PKIB: variants seen among roughly 807,000 people sequenced by gnomAD.
The protein encoded by PKIB is cAMP-dependent protein kinase inhibitor beta, also known as PKI-beta.
Under a neutral mutation model 4.5 loss-of-function variants are expected in PKIB, and 2 were observed. The ratio of observed to expected loss-of-function variants is 0.44; its 90% CI spans 0.18 to 1.39. The LOEUF is 1.39. Among genes scored for constraint, PKIB ranks in the 40% most tolerant of loss-of-function variants. The pLI is 0.27. For synonymous variants in PKIB, 38 were observed against 36.0 expected, an observed-to-expected ratio of 1.06 and a Z score of -0.20; for missense variants, 94 against 92.6, an observed-to-expected ratio of 1.02 and a Z score of -0.06.
chr6:122,529,212 G>C (rs184903787), intron 2 of PKIB, among the ~76,000 whole-genome samples: 6 of 151,884 alleles, frequency 4.0e-5, no homozygotes, highest in Admixed American at 6.6e-5. Flanking sequence ...TTTCCTTTTG[G>C]ATATATTACA....
chr6:122,698,648 G>A (rs755477497), intron 3 of PKIB, among the ~76,000 whole-genome samples: 61 of 152,312 alleles, frequency 4.0e-4, no homozygotes, highest in Admixed American at 9.8e-4. Flanking sequence ...TGAAGCCTCT[G>A]AGGGCACTAA....
intron 2 of PKIB, among the ~76,000 whole-genome samples, chr6:122,640,720 A>T (rs1776089416): frequency 1.3e-5 from 2 of 152,252 alleles, no homozygotes. Context: ...CATGAGACAC[A>T]TAAAGCAATT....
chr6:122,479,713 C>T lies in PKIB; in HGVS notation c.-248+1774C>T, dbSNP rs1157889875. The T allele has an allele frequency of 3.3e-5, 5 of 152,176 alleles. 1 individual carries two copies. Among genetic ancestry groups the T allele is most frequent in the African/African-American group, 1.2e-4 (5 of 41,426 alleles). 9.4% of individuals were successfully genotyped at this position (152,176 alleles called of 1,614,324 possible). A position where few individuals can be genotyped will look rare whatever the true frequency, so the allele number is the denominator to read the frequency against. On this transcript the variant is annotated intron_variant, in intron 2 of 6. Transcript: ENST00000392491. ...GGCGAGCAGTTATATATCAGGCACT[C>T]CCCAAACCCAACATCAGAGACACTC...
At chr6:122,576,876 T>G (rs1194519206) in intron 2 of PKIB, among the ~76,000 whole-genome samples, 3 of 151,612 alleles carry the variant, frequency 2.0e-5, no homozygotes, top group Non-Finnish European at 4.4e-5. Flanking sequence ...TTAAACAAAT[T>G]GAAAACTATC....
chr6:122,615,081 G>A (rs183283547), intron 1 of PKIB, among the ~76,000 whole-genome samples: 46 of 152,116 alleles, frequency 3.0e-4, no homozygotes, highest in African/African-American at 1.0e-3. Context: ...ATTTATAAAC[G>A]CCAGGACTTC....
intron 2 of PKIB, among the ~76,000 whole-genome samples, chr6:122,508,396 G>T (rs781324146): frequency 6.6e-6 from 1 of 152,150 alleles, no homozygotes; most frequent in Non-Finnish European, 1.5e-5. Context: ...TGGCACTGAG[G>T]ACAATGTTGT....
intron 2 of PKIB, among the ~76,000 whole-genome samples, chr6:122,523,940 C>T (rs1402630505): frequency 1.3e-5 from 2 of 152,148 alleles, no homozygotes; most frequent in East Asian, 3.8e-4. Context: ...TTATAAATTA[C>T]CCAGTCTCAA....
chr6:122,717,876 A>T lies in PKIB; in HGVS notation c.82A>T (p.Asn28Tyr). The T allele has an allele frequency of 6.2e-7, 1 of 1,614,112 alleles. No homozygotes were observed. The highest frequency in any genetic ancestry group is 1.1e-5 in the South Asian group (1 of 91,074). ...FASSARAGRR[N>Y]ALPDIQSSAA... ...ATCTTCAGCAAGGGCAGGCCGCCGG[A>T]ATGCCTTACCAGACATCCAGAGTTC... The change falls in exon 4 of 5, where the codon AAT becomes TAT. Residue 28 changes from asparagine (N) to tyrosine (Y), a missense_variant. Transcript: ENST00000368452.
At chr6:122,579,168 A>C (rs1035861624) in intron 2 of PKIB, among the ~76,000 whole-genome samples, 3 of 152,178 alleles carry the variant, frequency 2.0e-5, no homozygotes, top group African/African-American at 7.2e-5. Context: ...CAAGGTTGCC[A>C]TAATTTACCT....
At chr6:122,573,721 TC>T (rs1341661997) in intron 2 of PKIB, among the ~76,000 whole-genome samples, 2 of 152,156 alleles carry the variant, frequency 1.3e-5, no homozygotes, top group African/African-American at 4.8e-5. Context: ...AAATGCAGCA[TC>T]CCTTTGTGAT....
chr6:122,706,163 T>G (rs1779047709), intron 3 of PKIB, among the ~76,000 whole-genome samples: 1 of 152,168 alleles, frequency 6.6e-6, no homozygotes, highest in African/African-American at 2.4e-5. Context: ...CTCCCAAATT[T>G]TGAGGCTCTG....
intron 2 of PKIB, among the ~76,000 whole-genome samples, chr6:122,576,643 T>A (rs1300831392): frequency 1.8e-5 from 2 of 110,642 alleles, no homozygotes; most frequent in Non-Finnish European, 3.3e-5. Flanking sequence ...CACTCCAGCC[T>A]GAGCGACAGA....
chr6:122,684,695 C>T (rs78552238), intron 3 of PKIB, among the ~76,000 whole-genome samples: 75 of 152,114 alleles, frequency 4.9e-4, no homozygotes, highest in African/African-American at 1.7e-3. Flanking sequence ...GAAAATAGAC[C>T]GGCTTTTTTG....
intron 2 of PKIB, among the ~76,000 whole-genome samples, chr6:122,524,788 C>T (rs941221347): frequency 2.0e-5 from 3 of 151,802 alleles, no homozygotes; most frequent in African/African-American, 7.3e-5. Flanking sequence ...TATTCTTTTA[C>T]AATTTTAAAT....
rs193182556 is a variant in PKIB, at chr6:122,683,995, A to G, written c.-9+8851A>G. The stretch of plus-strand genomic sequence containing the variant: ...TTCACCAATAGGTGATTGGAAAAAG[A>G]AAATGTGGTATATTTATACCTTCAA... On this transcript the variant is annotated intron_variant, in intron 3 of 4. Coordinates refer to ENST00000368452, the MANE Select transcript of PKIB (RefSeq NM_181795.3). Among the ~76,000 whole-genome samples the G allele has an allele frequency of 2.7e-3, 404 of 152,362 alleles. 1 individual carries two copies. Among genetic ancestry groups the G allele is most frequent in the African/African-American group, 9.3e-3 (387 of 41,592 alleles).
chr6:122,680,586 T>C lies in PKIB; in HGVS notation c.-9+5442T>C, dbSNP rs1264711324. Among the ~76,000 whole-genome samples the C allele has an allele frequency of 2.6e-5, 4 of 152,292 alleles. No individual in the cohort carries two copies. The East Asian group carries it at 7.7e-4, about 29-fold the overall frequency. ...GACCTGCCTTGGGGAAGAGGGATTC[T>C]AGTTTTTATGACAAGCCTCAGGGGA... On this transcript the variant is annotated intron_variant, in intron 3 of 4. Coordinates refer to ENST00000368452, the MANE Select transcript of PKIB (RefSeq NM_181795.3).
intron 2 of PKIB, among the ~76,000 whole-genome samples, chr6:122,657,383 A>G (rs767615542): frequency 1.8e-4 from 27 of 152,186 alleles, no homozygotes; most frequent in Admixed American, 8.5e-4. Context: ...TTGGCTTGCA[A>G]TAGATGTTAG....
intron 3 of PKIB, among the ~76,000 whole-genome samples, chr6:122,713,223 G>A (rs1779342469): frequency 6.6e-6 from 1 of 152,100 alleles, no homozygotes; most frequent in African/African-American, 2.4e-5. Context: ...AAGGACTTTT[G>A]TGAAATCTCC....
chr6:122,644,242 C>G (rs1261125365), intron 2 of PKIB: 1 of 152,168 alleles, frequency 6.6e-6, no homozygotes, highest in Non-Finnish European at 1.5e-5. Context: ...TGACAATTGA[C>G]TGGTCCACCA....
Sources: allele counts gnomAD v4.1 joint callset (sites outside exome capture counted in the v4.1 genomes callset), GRCh38; gene constraint gnomAD v4.1.1; transcripts MANE v1.5; gene names NCBI Gene and HGNC (gene_info 2026-07-23, HGNC 2026-07-21).